The following SLC51A variants were observed in gnomAD, a reference collection of about 807,000 sequenced individuals.
SLC51A encodes organic solute transporter subunit alpha.
In SLC51A, 22 loss-of-function variants were observed where a neutral mutation model predicts 34.8. That is an observed-to-expected ratio of 0.63 (90% confidence interval 0.45 to 0.90). SLC51A has a LOEUF of 0.90. SLC51A is among the 40% of genes least tolerant of loss of function. The pLI is 0.00. For missense variants in SLC51A, 371 were observed against 414.8 expected (o/e 0.89, Z 0.92); for synonymous variants, 181 against 176.3 (o/e 1.03, Z -0.21).
intron 2 of SLC51A, among the ~76,000 whole-genome samples, chr3:196,225,526 T>C (rs1723873350): frequency 6.6e-6 from 1 of 152,038 alleles, no homozygotes. Context: ...ATGACTGGAG[T>C]GTGGCAGTTT....
chr3:196,218,014 C>T, intron 2 of SLC51A, 78 bp downstream of exon 2: 2 of 1,366,912 alleles, frequency 1.5e-6, no homozygotes, highest in Non-Finnish European at 2.0e-6. Context: ...AGAGGCGGCC[C>T]TGAGCTGGTG....
chr3:196,216,746 C>T lies in SLC51A; in HGVS notation c.34C>T (p.Pro12Ser). The change falls in exon 1 of 9, where the codon CCC becomes TCC. Residue 12 changes from proline to serine, a missense_variant. Pro to Ser is a moderately conservative substitution (Grantham distance 74, BLOSUM62 -1). Coordinates refer to ENST00000296327, the MANE Select transcript of SLC51A (RefSeq NM_152672.6). This position sits in a 1 kb window ranked among gnomAD's most constrained non-coding sequence, Gnocchi z 4.5. ...GGGCAGGACCCAGATAAAGCTTGAC[C>T]CCAGGTAAGTGAGGGCGGCGGGCCC... ...EPGRTQIKLD[P>S]RYTADLLEVL... 2 of 1,577,172 alleles carry T rather than the reference C, an allele frequency of 1.3e-6. No individual in the cohort carries two copies. Among genetic ancestry groups the T allele is most frequent in the Admixed American group, 1.8e-5 (1 of 55,748 alleles).
intron 4 of SLC51A, 125 bp downstream of exon 4, chr3:196,227,862 C>A: frequency 9.9e-7 from 1 of 1,011,626 alleles, no homozygotes; most frequent in Non-Finnish European, 1.4e-6. Flanking sequence ...TAGTTCCGGG[C>A]TCTTGCGCTC....
chr3:196,228,561 A>G lies in SLC51A; in HGVS notation c.522-248A>G, dbSNP rs944380809. 25 of 603,898 alleles carry G rather than the reference A, an allele frequency of 4.1e-5. No homozygotes were observed. Among genetic ancestry groups the G allele is most frequent in the Non-Finnish European group, 7.3e-5 (25 of 342,834 alleles). 37.4% of individuals were successfully genotyped at this position (603,898 alleles called of 1,614,324 possible). A position where few individuals can be genotyped will look rare whatever the true frequency, so the allele number is the denominator to read the frequency against. On this transcript the variant is annotated intron_variant, in intron 5 of 8. Transcript: ENST00000296327. The surrounding 1 kb of genome is among the most constrained non-coding windows in gnomAD (Gnocchi z 4.9). The stretch of plus-strand genomic sequence containing the variant: ...TTGCCCCTTCTGCCCACTTTGGTGA[A>G]TGAGGTTGAGGTCACACTCCCAGAC...
Position 196,228,257 on chromosome 3 carries a change from C to T in SLC51A, c.505C>T (p.Arg169Trp), listed in dbSNP as rs951180434. 17 of 1,611,930 alleles carry T rather than the reference C, an allele frequency of 1.1e-5. No individual in the cohort carries two copies. Among genetic ancestry groups the T allele is most frequent in the African/African-American group, 2.7e-5 (2 of 74,942 alleles). The stretch of plus-strand genomic sequence containing the variant: ...CTGCTGCTGCTGCCCCTGCTGTCCA[C>T]GGCTGCTGCTCACCAGGTGAGGCGG... ...PCCCCCPCCP[R>W]LLLTRKKLQL... The change falls in exon 5 of 9, where the codon CGG becomes TGG. Residue 169 changes from arginine (R) to tryptophan (W), a missense_variant. Physicochemically the swap from Arg to Trp is moderately radical, Grantham distance 101. Transcript: ENST00000296327. The surrounding 1 kb of genome is among the most constrained non-coding windows in gnomAD (Gnocchi z 4.9).
At chr3:196,225,972 C>T (rs933730393) in intron 2 of SLC51A, among the ~76,000 whole-genome samples, 4 of 152,144 alleles carry the variant, frequency 2.6e-5, no homozygotes, top group African/African-American at 7.2e-5. Context: ...ATGAGGCCAG[C>T]GTGCGTCAGG....
At position 196,216,615 on chromosome 3, in the gene SLC51A, C is replaced by T. The variant is rs1468429895; in HGVS notation, c.-98C>T. The T allele has an allele frequency of 2.4e-5, 30 of 1,250,050 alleles. No homozygotes were observed. Among genetic ancestry groups the T allele is most frequent in the Non-Finnish European group, 2.8e-5 (25 of 878,948 alleles). 77.4% of individuals were successfully genotyped at this position (1,250,050 alleles called of 1,614,324 possible). A position where few individuals can be genotyped will look rare whatever the true frequency, so the allele number is the denominator to read the frequency against. On this transcript the variant is annotated 5_prime_UTR_variant, in exon 1 of 9. Transcript: ENST00000296327. The surrounding 1 kb of genome is among the most constrained non-coding windows in gnomAD (Gnocchi z 4.5). ...CTGCAATTCTGCTTGCCCCCCACCC[C>T]GGCCCAGGCAAGCCACCCTGCCCCC...
chr3:196,219,314 T>C (rs1723681609), intron 2 of SLC51A, among the ~76,000 whole-genome samples: 1 of 152,188 alleles, frequency 6.6e-6, no homozygotes, highest in South Asian at 2.1e-4. Context: ...ACCAAAAACA[T>C]TGAGAATCAC....
chr3:196,217,501 C>T (rs1723620927), intron 1 of SLC51A, among the ~76,000 whole-genome samples: 1 of 151,188 alleles, frequency 6.6e-6, no homozygotes. Context: ...CAAGACAGAC[C>T]ACTGCACTCC....
intron 1 of SLC51A, among the ~76,000 whole-genome samples, chr3:196,217,601 AAGAG>A (rs1723625063): frequency 6.6e-6 from 1 of 150,940 alleles, no homozygotes; most frequent in South Asian, 2.1e-4. Context: ...AAGGGGAAGG[AAGAG>A]AGAAAGAGAA....
chr3:196,217,993 T>C, intron 2 of SLC51A, 57 bp downstream of exon 2: 1 of 1,518,174 alleles, frequency 6.6e-7, no homozygotes, highest in Admixed American at 1.9e-5. Flanking sequence ...GATAGCTGAG[T>C]GGAGCTGGGG....
At chr3:196,217,223 CCTCT>C (rs1178703226) in intron 1 of SLC51A, among the ~76,000 whole-genome samples, 1 of 152,222 alleles carries the variant, frequency 6.6e-6, no homozygotes, top group Non-Finnish European at 1.5e-5. Flanking sequence ...TTCTCCACTC[CCTCT>C]AAGAAAAGGG....
At chr3:196,227,463 A>G in intron 3 of SLC51A, 1 of 606,826 alleles carries the variant, frequency 1.6e-6, no homozygotes, top group South Asian at 1.9e-5. Flanking sequence ...ACTCAGCTCC[A>G]CCCTTACGCT....
chr3:196,228,746 C>T lies in SLC51A; in HGVS notation c.522-63C>T, dbSNP rs1723957045. On this transcript the variant is annotated intron_variant, in intron 5 of 8. Coordinates refer to ENST00000296327, the MANE Select transcript of SLC51A (RefSeq NM_152672.6). The surrounding 1 kb of genome is among the most constrained non-coding windows in gnomAD (Gnocchi z 4.9). ...TCAGCCCAGGAGCCCTGTGAGGAGC[C>T]GGGGCGTCTTCCTGGGGCAGGGGGT... 20 of 1,406,550 alleles carry T rather than the reference C, an allele frequency of 1.4e-5. No individual in the cohort carries two copies. Among genetic ancestry groups the T allele is most frequent in the South Asian group, 1.3e-4 (11 of 86,750 alleles). The allele number at this position is 1,406,550 out of a possible 1,614,324, so 87.1% of individuals were successfully genotyped here.
In SLC51A at chr3:196,229,942, A is replaced by T. The variant is rs1723993089; in HGVS notation, c.661A>T (p.Ile221Phe). 6.2e-7 allele frequency: 1 copy of T among 1,612,632 alleles called. No homozygotes were observed. Among genetic ancestry groups the T allele is most frequent in the African/African-American group, 1.3e-5 (1 of 74,816 alleles). The stretch of plus-strand genomic sequence containing the variant: ...TTCTGAGGGGAGCACAGCTCTATGG[A>T]TCAACACTTTCCTTGGCGTGTCCAC... ...DISEGSTALWINTFLGVSTLL... is the reference protein window; with the variant it reads ...DISEGSTALWFNTFLGVSTLL... Residue 221 changes from isoleucine to phenylalanine, a missense_variant, in exon 7 of 9, where the codon ATC becomes TTC. Transcript: ENST00000296327.
At chr3:196,229,666 C>A (rs1261903845) in intron 6 of SLC51A, among the ~76,000 whole-genome samples, 1 of 150,536 alleles carries the variant, frequency 6.6e-6, no homozygotes, top group Non-Finnish European at 1.5e-5. Context: ...CGTGAGCCAC[C>A]ACGCCTGGCC....
At chr3:196,232,814 C>G (rs1256421444) in intron 8 of SLC51A, 2 of 583,824 alleles carry the variant, frequency 3.4e-6, no homozygotes, top group Non-Finnish European at 6.1e-6. Flanking sequence ...AAAACAGAAG[C>G]CCATGTTGAT....
chr3:196,228,730 G>C lies in SLC51A; in HGVS notation c.522-79G>C. On this transcript the variant is annotated intron_variant, in intron 5 of 8. Transcript: ENST00000296327. This position sits in a 1 kb window ranked among gnomAD's most constrained non-coding sequence, Gnocchi z 4.9. ...TGACAGCAGCCGAGCCTCAGCCCAG[G>C]AGCCCTGTGAGGAGCCGGGGCGTCT... The C allele has an allele frequency of 1.7e-6, 2 of 1,198,544 alleles. No homozygotes were observed. The highest frequency in any genetic ancestry group is 1.7e-5 in the Admixed American group (1 of 58,936). The allele number at this position is 1,198,544 out of a possible 1,614,324, so 74.2% of individuals were successfully genotyped here.
At chr3:196,218,081 C>A in intron 2 of SLC51A, 145 bp downstream of exon 2, 1 of 727,886 alleles carries the variant, frequency 1.4e-6, no homozygotes, top group South Asian at 1.7e-5. Context: ...GGTTAAGGCT[C>A]TGGAGAAGGG....
Sources: allele counts gnomAD v4.1 joint callset (sites outside exome capture counted in the v4.1 genomes callset), GRCh38; gene constraint gnomAD v4.1.1; non-coding constraint Gnocchi (gnomAD v3.1); transcripts MANE v1.5; gene names NCBI Gene and HGNC (gene_info 2026-07-23, HGNC 2026-07-21).